Variants in PARD3B observed in about 807,000 individuals in gnomAD.
PARD3B encodes par-3 family cell polarity regulator beta, also known as partitioning defective 3 homolog B.
In PARD3B, 103 loss-of-function variants were observed where a neutral mutation model predicts 130.2. That is an observed-to-expected ratio of 0.79 (90% CI 0.67 to 0.93). The LOEUF (loss-of-function observed/expected upper bound fraction) is 0.93. Among genes scored for constraint, PARD3B ranks in the 40% least tolerant of loss-of-function variants. The probability of loss-of-function intolerance (pLI) is 0.00; values close to 1 mark genes in which losing one functional copy is unlikely to be tolerated. For missense variants in PARD3B, 1,609 were observed against 1,499.2 expected (o/e 1.07, Z -1.21); for synonymous variants, 583 against 553.2 (o/e 1.05, Z -0.76).
rs2053598434 is a variant in PARD3B at position 205,572,597 on chromosome 2, TA to T, written c.3260+19195del. ...TCATCTCTACTAAAATACAAAAAAT[TA>T]GCCGGGCATAGTGGTGGGCACCTGT... On this transcript the variant is annotated intron_variant, in intron 22 of 22. Transcript: ENST00000406610. The surrounding 1 kb of genome is among the most constrained non-coding windows in gnomAD (Gnocchi z 4.2). 6.6e-6 allele frequency among the ~76,000 whole-genome samples: 1 copy of T among 152,072 alleles called. No individual in the cohort carries two copies. The highest frequency in any genetic ancestry group is 1.5e-5 in the Non-Finnish European group (1 of 67,996).
chr2:204,829,854 C>A (rs1035458253), intron 2 of PARD3B, among the ~76,000 whole-genome samples: 5 of 152,000 alleles, frequency 3.3e-5, no homozygotes, highest in Admixed American at 3.3e-4. Context: ...AAAAAATTAG[C>A]TGGGCGTGGT....
chr2:205,256,651 A>G (rs528816858), intron 16 of PARD3B, among the ~76,000 whole-genome samples: 42 of 152,300 alleles, frequency 2.8e-4, no homozygotes, highest in African/African-American at 9.6e-4. Context: ...AAAAAATAAC[A>G]TTTTTAAACT....
chr2:205,350,982 A>G (rs906538040), intron 18 of PARD3B, among the ~76,000 whole-genome samples: 2 of 152,152 alleles, frequency 1.3e-5, no homozygotes, highest in Non-Finnish European at 2.9e-5. Context: ...GGCAATTAGT[A>G]CTCTTACTAA....
chr2:205,306,064 A>G (rs924274261), intron 18 of PARD3B, among the ~76,000 whole-genome samples: 5 of 152,180 alleles, frequency 3.3e-5, no homozygotes, highest in Non-Finnish European at 5.9e-5. Context: ...GTAAAAGAAG[A>G]CAAGGTGACT....
intron 19 of PARD3B, among the ~76,000 whole-genome samples, chr2:205,423,118 A>G (rs187048308): frequency 6.6e-6 from 1 of 152,276 alleles, no homozygotes. Flanking sequence ...CAACAGTCTG[A>G]CAGAATCACC....
intron 15 of PARD3B, among the ~76,000 whole-genome samples, chr2:205,215,638 T>C (rs2037869034): frequency 6.6e-6 from 1 of 152,140 alleles, no homozygotes; most frequent in Admixed American, 6.6e-5. Context: ...TGGCAAATGC[T>C]GAAATATATA....
chr2:205,306,935 G>A (rs915911536), intron 18 of PARD3B, among the ~76,000 whole-genome samples: 1 of 152,160 alleles, frequency 6.6e-6, no homozygotes, highest in Non-Finnish European at 1.5e-5. Context: ...AGGTTCTCTT[G>A]GAGTTAGATG....
chr2:205,366,537 C>A lies in PARD3B; in HGVS notation c.2631-34476C>A, dbSNP rs1292501131. 6.6e-6 allele frequency among the ~76,000 whole-genome samples: 1 copy of A among 152,162 alleles called. No homozygotes were observed. Among genetic ancestry groups the A allele is most frequent in the Non-Finnish European group, 1.5e-5 (1 of 68,026 alleles). On this transcript the variant is annotated intron_variant, in intron 18 of 22. Coordinates refer to ENST00000406610, the MANE Select transcript of PARD3B (RefSeq NM_001302769.2). This position sits in a 1 kb window ranked among gnomAD's most constrained non-coding sequence, Gnocchi z 5.0. ...ACCCAGAGGAATAGAAATGTCACAT[C>A]GTGACTGAGGGACAGAGCTAATGCC...
At chr2:205,029,080 C>T (rs1234822479) in intron 3 of PARD3B, among the ~76,000 whole-genome samples, 4 of 152,078 alleles carry the variant, frequency 2.6e-5, no homozygotes, top group Non-Finnish European at 5.9e-5. Flanking sequence ...TCTGTTTCAG[C>T]CTACTTTATT....
At position 204,965,182 on chromosome 2, in the gene PARD3B, C is replaced by T. The variant is rs1273541122; in HGVS notation, c.253C>T (p.Leu85Phe). 1 of 1,613,822 alleles carries T rather than the reference C, an allele frequency of 6.2e-7. No individual in the cohort carries two copies. Among genetic ancestry groups the T allele is most frequent in the Admixed American group, 1.7e-5 (1 of 59,946 alleles). Residue 85 changes from leucine (L) to phenylalanine (F), a missense_variant, in exon 3 of 23, where the codon CTC becomes TTC. Coordinates refer to ENST00000406610, the MANE Select transcript of PARD3B (RefSeq NM_001302769.2). ...LIAVFEEQEP[L>F]HKIESPSGNP... ...TGCTGTGTTTGAAGAACAAGAACCACTCCACAAGATTGAGAGCCCCAGTGG... is the reference window on the plus strand; with the variant it reads ...TGCTGTGTTTGAAGAACAAGAACCATTCCACAAGATTGAGAGCCCCAGTGG...
intron 2 of PARD3B, among the ~76,000 whole-genome samples, chr2:204,822,808 C>A (rs184086946): frequency 2.1e-3 from 316 of 152,306 alleles, no homozygotes; most frequent in Non-Finnish European, 3.4e-3. Context: ...TTGAGAGAAT[C>A]TTTGTGTCAC....
intron 2 of PARD3B, among the ~76,000 whole-genome samples, chr2:204,859,239 C>T (rs13417068): frequency 0.056 from 8,540 of 151,852 alleles, 492 homozygotes; most frequent in African/African-American, 0.14. Flanking sequence ...CGGAAGTATT[C>T]GACTTTAACA....
At chr2:204,966,211 A>T (rs1691232509) in intron 3 of PARD3B, among the ~76,000 whole-genome samples, 1 of 152,216 alleles carries the variant, frequency 6.6e-6, no homozygotes. Context: ...TATATACTGT[A>T]AAGTTAAATT....
At chr2:204,941,295 G>A (rs890420818) in intron 2 of PARD3B, among the ~76,000 whole-genome samples, 1 of 152,124 alleles carries the variant, frequency 6.6e-6, no homozygotes, top group African/African-American at 2.4e-5. Context: ...AATCGCTGGA[G>A]CCCGGAAGGC....
chr2:205,474,216 A>T (rs2048947740), intron 20 of PARD3B, among the ~76,000 whole-genome samples: 1 of 152,002 alleles, frequency 6.6e-6, no homozygotes, highest in Admixed American at 6.6e-5. Flanking sequence ...TTCTCTGAGT[A>T]TTCTATATTA....
chr2:205,512,643 C>G (rs1432250190), intron 21 of PARD3B, among the ~76,000 whole-genome samples: 10 of 152,168 alleles, frequency 6.6e-5, no homozygotes. Context: ...TCGAGCCTGA[C>G]AGTTGTATCA....
In PARD3B at chr2:204,938,052, T is replaced by C. The variant is rs113602628; in HGVS notation, c.223-27100T>C. ...CCCTCAGGTTTTATAACTGCTGTTA[T>C]CACTGCCATCTGCCAGAGGGAGATG... is the stretch of plus-strand genomic sequence containing the variant. On this transcript the variant is annotated intron_variant, in intron 2 of 22. Transcript: ENST00000406610. 7.2e-5 allele frequency among the ~76,000 whole-genome samples: 11 copies of C among 152,320 alleles called. No individual in the cohort carries two copies. In the South Asian group the frequency reaches 8.3e-4, roughly 11 times the overall value.
At chr2:204,864,379 G>A (rs1461810564) in intron 2 of PARD3B, among the ~76,000 whole-genome samples, 1 of 152,114 alleles carries the variant, frequency 6.6e-6, no homozygotes, top group Non-Finnish European at 1.5e-5. Flanking sequence ...CTCTAATTCA[G>A]CATGAAGCAC....
chr2:205,514,859 T>C (rs2050730307), intron 21 of PARD3B, among the ~76,000 whole-genome samples: 1 of 149,660 alleles, frequency 6.7e-6, no homozygotes, highest in Non-Finnish European at 1.5e-5. Context: ...ACTTTAAGGT[T>C]TGAGGGTACA....
Sources: allele counts gnomAD v4.1 joint callset (sites outside exome capture counted in the v4.1 genomes callset), GRCh38; gene constraint gnomAD v4.1.1; non-coding constraint Gnocchi (gnomAD v3.1); transcripts MANE v1.5; gene names NCBI Gene and HGNC (gene_info 2026-07-23, HGNC 2026-07-21).